Variants in CSMD3 observed in about 807,000 individuals in gnomAD.
CSMD3 encodes CUB and Sushi multiple domains 3.
Under a neutral mutation model 435.2 loss-of-function variants are expected in CSMD3, and 177 were observed. That is an observed-to-expected ratio of 0.41 (90% confidence interval 0.36 to 0.46). The LOEUF is 0.46. CSMD3 is among the 20% of genes least tolerant of loss of function. The pLI is 0.34. For missense variants in CSMD3, 4,265 were observed against 4,504.6 expected (o/e 0.95, Z 1.52); for synonymous variants, 1,656 against 1,520.5 (o/e 1.09, Z -2.07).
chr8:112,995,076 G>A lies in CSMD3; in HGVS notation c.1031-18928C>T, dbSNP rs145512452. Among the ~76,000 whole-genome samples, 120 of 151,300 alleles carry A rather than the reference G, an allele frequency of 7.9e-4. 1 individual carries two copies. Among genetic ancestry groups the A allele is most frequent in the Admixed American group, 5.5e-3 (83 of 15,132 alleles). ...AATTCCCAAGGCACTATTCTCAGTC[G>A]GAAGAGAAACATAATAGTTAATAAG... On this transcript the variant is annotated intron_variant, in intron 6 of 70. Transcript: ENST00000297405.
intron 2 of CSMD3, among the ~76,000 whole-genome samples, chr8:113,297,891 G>A (rs1179955237): frequency 6.6e-6 from 1 of 151,990 alleles, no homozygotes; most frequent in African/African-American, 2.4e-5. Flanking sequence ...AAATCTTGTA[G>A]AAAAATATCA....
At chr8:112,668,969 G>GA (rs904628316) in intron 16 of CSMD3, among the ~76,000 whole-genome samples, 2 of 146,154 alleles carry the variant, frequency 1.4e-5, no homozygotes, top group Non-Finnish European at 3.0e-5. Flanking sequence ...AACAGCTGAA[G>GA]AAAAAAAAAG....
intron 47 of CSMD3, among the ~76,000 whole-genome samples, chr8:112,316,290 T>C (rs1413009780): frequency 6.6e-6 from 1 of 151,862 alleles, no homozygotes; most frequent in Non-Finnish European, 1.5e-5. Context: ...ATTTTGAGAT[T>C]AAAAATATTG....
At chr8:113,375,337 A>C (rs891493453) in intron 1 of CSMD3, among the ~76,000 whole-genome samples, 28 of 152,172 alleles carry the variant, frequency 1.8e-4, no homozygotes, top group African/African-American at 6.5e-4. Context: ...CAGATACCGA[A>C]TATCTACTTT....
chr8:113,233,060 G>T (rs1176084212), intron 3 of CSMD3, among the ~76,000 whole-genome samples: 1 of 151,770 alleles, frequency 6.6e-6, no homozygotes, highest in South Asian at 2.1e-4. Context: ...TTCTTAATTT[G>T]TTATTTCCAT....
At chr8:112,646,574 G>C (rs1273905156) in intron 19 of CSMD3, among the ~76,000 whole-genome samples, 1 of 152,096 alleles carries the variant, frequency 6.6e-6, no homozygotes, top group African/African-American at 2.4e-5. Context: ...AACTTAAAGG[G>C]ACATTCTGCA....
chr8:112,616,781 T>C (rs952614467), intron 22 of CSMD3, among the ~76,000 whole-genome samples: 7 of 152,108 alleles, frequency 4.6e-5, no homozygotes, highest in African/African-American at 9.7e-5. Context: ...CCCAATCTCA[T>C]TGGCAGCTGA....
chr8:113,059,382 A>G (rs957071953), intron 5 of CSMD3, among the ~76,000 whole-genome samples: 4 of 152,134 alleles, frequency 2.6e-5, no homozygotes, highest in Non-Finnish European at 5.9e-5. Context: ...CAGTACCTTG[A>G]TAACAGCTGC....
At position 112,224,897 on chromosome 8, in the gene CSMD3, T is replaced by C. The variant is rs1034229806; in HGVS notation, c.10998A>G (p.Ser3666=). The C allele has an allele frequency of 3.7e-6, 6 of 1,614,078 alleles. No homozygotes were observed. The Middle Eastern group carries it at 6.6e-4, about 178-fold the overall frequency. Residue 3666 remains serine, a synonymous_variant, in exon 71 of 71, where the codon TCA becomes TCG. Transcript: ENST00000297405. The stretch of plus-strand genomic sequence containing the variant: ...CTTGGCCATTGTTATTTTCATGAAC[T>C]GAACATCCTGTATACTGTGTTTTAG... ...TAPKTQYTGC[S]VHENNNGQAA...
intron 5 of CSMD3, among the ~76,000 whole-genome samples, chr8:113,020,742 T>C (rs1302587373): frequency 6.6e-6 from 1 of 152,184 alleles, no homozygotes; most frequent in Non-Finnish European, 1.5e-5. Context: ...TTATACTATG[T>C]TTGTGGGGTG....
At chr8:112,796,665 G>A (rs2078836075) in intron 13 of CSMD3, among the ~76,000 whole-genome samples, 1 of 151,130 alleles carries the variant, frequency 6.6e-6, no homozygotes, top group African/African-American at 2.4e-5. Flanking sequence ...TTGGAATAAT[G>A]ACCCTATAAA....
At chr8:112,881,372 T>C (rs1366471480) in intron 10 of CSMD3, among the ~76,000 whole-genome samples, 2 of 152,080 alleles carry the variant, frequency 1.3e-5, no homozygotes, top group Admixed American at 1.3e-4. Context: ...AGACAAAGCA[T>C]GTTAAAAATC....
At chr8:113,122,274 G>A (rs2091006444) in intron 4 of CSMD3, among the ~76,000 whole-genome samples, 1 of 151,974 alleles carries the variant, frequency 6.6e-6, no homozygotes, top group African/African-American at 2.4e-5. Context: ...GGGAAAATTA[G>A]CTCAGAGTTG....
At chr8:113,271,590 G>A (rs2093527463) in intron 3 of CSMD3, among the ~76,000 whole-genome samples, 2 of 152,176 alleles carry the variant, frequency 1.3e-5, no homozygotes, top group South Asian at 4.1e-4. Context: ...CTATATTTCA[G>A]AAGATGTATG....
At chr8:112,965,271 T>C (rs1027066174) in intron 7 of CSMD3, among the ~76,000 whole-genome samples, 1 of 151,954 alleles carries the variant, frequency 6.6e-6, no homozygotes, top group Admixed American at 6.6e-5. Context: ...GGTAACCATT[T>C]GGGGAAATCA....
At chr8:112,340,881 A>G (rs1825027661) in intron 42 of CSMD3, among the ~76,000 whole-genome samples, 1 of 152,130 alleles carries the variant, frequency 6.6e-6, no homozygotes, top group Admixed American at 6.6e-5. Flanking sequence ...CACATTAGAT[A>G]GAATAGGAAG....
intron 13 of CSMD3, among the ~76,000 whole-genome samples, chr8:112,763,145 T>A (rs1186063288): frequency 4.0e-5 from 6 of 151,742 alleles, no homozygotes. Context: ...AAATATCATG[T>A]CGTAGATGAT....
intron 13 of CSMD3, among the ~76,000 whole-genome samples, chr8:112,759,472 G>A (rs754587091): frequency 2.6e-5 from 4 of 152,032 alleles, no homozygotes; most frequent in African/African-American, 4.8e-5. Context: ...TAAAGAAATC[G>A]TCTATGGTGA....
intron 11 of CSMD3, among the ~76,000 whole-genome samples, chr8:112,841,750 G>A (rs2080183859): frequency 6.6e-6 from 1 of 151,586 alleles, no homozygotes; most frequent in Non-Finnish European, 1.5e-5. Flanking sequence ...GAATGTATAG[G>A]GTGGACACTG....
Sources: allele counts gnomAD v4.1 joint callset (sites outside exome capture counted in the v4.1 genomes callset), GRCh38; gene constraint gnomAD v4.1.1; transcripts MANE v1.5; gene names NCBI Gene and HGNC (gene_info 2026-07-23, HGNC 2026-07-21).